EPHA7: variants seen among roughly 807,000 people sequenced by gnomAD.
EPHA7 encodes the protein ephrin type-A receptor 7.
EPHA7 carries 25 observed loss-of-function variants against 112.6 expected under a neutral mutation model. The observed-to-expected ratio is 0.22, with a 90% CI of 0.16 to 0.31. EPHA7 has a LOEUF of 0.31. EPHA7 is among the 10% of genes least tolerant of loss of function. EPHA7 has a pLI of 1.00. For missense variants in EPHA7, 962 were observed against 1,212.6 expected (o/e 0.79, Z 3.07); for synonymous variants, 437 against 406.5 (o/e 1.07, Z -0.90).
At chr6:93,280,177 T>C (rs1409182134) in intron 5 of EPHA7, among the ~76,000 whole-genome samples, 4 of 152,094 alleles carry the variant, frequency 2.6e-5, no homozygotes, top group African/African-American at 4.8e-5. Flanking sequence ...TATCCTAACA[T>C]AGATGAAATA....
At chr6:93,372,971 G>A (rs1776875114) in intron 3 of EPHA7, among the ~76,000 whole-genome samples, 1 of 152,008 alleles carries the variant, frequency 6.6e-6, no homozygotes, top group Non-Finnish European at 1.5e-5. Context: ...TTCTGAAAAT[G>A]TAGTACTTCC....
rs1778195430 is a variant in EPHA7, at chr6:93,396,803, T to C, written c.832+13698A>G. Among the ~76,000 whole-genome samples the C allele has an allele frequency of 2.0e-5, 3 of 151,716 alleles. No homozygotes were observed. In the South Asian group the frequency reaches 6.2e-4, roughly 31 times the overall value. On this transcript the variant is annotated intron_variant, in intron 3 of 16. Coordinates refer to ENST00000369303, the MANE Select transcript of EPHA7 (RefSeq NM_004440.4). Reference sequence around the variant, plus strand: ...AGCCAATAAATGTATGCAACATAAATATAAATATGACAATCCCCAGTACAA... The same window carrying C: ...AGCCAATAAATGTATGCAACATAAACATAAATATGACAATCCCCAGTACAA...
chr6:93,365,578 A>T (rs1254354136), intron 3 of EPHA7, among the ~76,000 whole-genome samples: 1 of 152,160 alleles, frequency 6.6e-6, no homozygotes, highest in Non-Finnish European at 1.5e-5. Context: ...CCTCAGTGGG[A>T]ATAATTACAA....
At chr6:93,329,214 C>T (rs1774466780) in intron 5 of EPHA7, among the ~76,000 whole-genome samples, 2 of 151,152 alleles carry the variant, frequency 1.3e-5, no homozygotes, top group Admixed American at 6.6e-5. Flanking sequence ...ATAAGTAATA[C>T]ACACCAAAGA....
chr6:93,412,178 A>T (rs116766600), intron 2 of EPHA7, among the ~76,000 whole-genome samples: 2,213 of 152,180 alleles, frequency 0.015, 57 homozygotes, highest in African/African-American at 0.05. Context: ...TGATGTCTTA[A>T]TAATGAAATT....
At chr6:93,326,035 T>C (rs1477333132) in intron 5 of EPHA7, among the ~76,000 whole-genome samples, 1 of 151,482 alleles carries the variant, frequency 6.6e-6, no homozygotes, top group Admixed American at 6.6e-5. Flanking sequence ...TCTAGATTTA[T>C]AAACTGCCTG....
intron 5 of EPHA7, among the ~76,000 whole-genome samples, chr6:93,355,555 C>T (rs1775903583): frequency 6.6e-6 from 1 of 152,116 alleles, no homozygotes; most frequent in Non-Finnish European, 1.5e-5. Flanking sequence ...AGTAAAGGCC[C>T]GATTTTAATA....
chr6:93,287,700 C>T (rs1030451595), intron 5 of EPHA7, among the ~76,000 whole-genome samples: 2 of 151,842 alleles, frequency 1.3e-5, no homozygotes, highest in South Asian at 2.1e-4. Context: ...CTCCAACCTC[C>T]AAAATGCCCC....
At chr6:93,374,959 C>T (rs1032300878) in intron 3 of EPHA7, among the ~76,000 whole-genome samples, 1 of 152,016 alleles carries the variant, frequency 6.6e-6, no homozygotes, top group Non-Finnish European at 1.5e-5. Context: ...CCATAACATA[C>T]AAAAATTTCT....
intron 3 of EPHA7, among the ~76,000 whole-genome samples, chr6:93,403,006 AAC>A (rs1230691386): frequency 6.6e-6 from 1 of 152,064 alleles, no homozygotes; most frequent in African/African-American, 2.4e-5. Flanking sequence ...GACAATAGAT[AAC>A]AGTTATATTA....
chr6:93,370,912 G>A (rs969450738), intron 3 of EPHA7, among the ~76,000 whole-genome samples: 6 of 151,466 alleles, frequency 4.0e-5, no homozygotes, highest in African/African-American at 1.5e-4. Flanking sequence ...TTGGGAAGCC[G>A]AGGCAGGTGG....
At chr6:93,263,392 T>C (rs1244786068) in intron 9 of EPHA7, among the ~76,000 whole-genome samples, 1 of 151,442 alleles carries the variant, frequency 6.6e-6, no homozygotes, top group Non-Finnish European at 1.5e-5. Flanking sequence ...ATACTATTTA[T>C]GTCCTATGAA....
At chr6:93,336,698 G>A (rs1161925402) in intron 5 of EPHA7, among the ~76,000 whole-genome samples, 1 of 152,014 alleles carries the variant, frequency 6.6e-6, no homozygotes, top group East Asian at 1.9e-4. Flanking sequence ...ACCCTGCCCA[G>A]CTCCTTTTAC....
intron 3 of EPHA7, among the ~76,000 whole-genome samples, chr6:93,405,813 G>GTGTATATA (rs1357089640): frequency 2.2e-4 from 16 of 73,978 alleles, no homozygotes; most frequent in East Asian, 1.8e-3. Context: ...GTGTGTGTGT[G>GTGTATATA]TATATATATA....
chr6:93,294,902 A>G (rs528444561), intron 5 of EPHA7, among the ~76,000 whole-genome samples: 36 of 152,180 alleles, frequency 2.4e-4, no homozygotes, highest in African/African-American at 8.7e-4. Flanking sequence ...TTATATTAAA[A>G]CCAGATTGGC....
At chr6:93,373,927 T>A (rs1265605231) in intron 3 of EPHA7, among the ~76,000 whole-genome samples, 2 of 152,072 alleles carry the variant, frequency 1.3e-5, no homozygotes, top group Admixed American at 1.3e-4. Context: ...ATATACCTCA[T>A]GTTTCATAAA....
At chr6:93,266,190 T>C (rs1770926836) in intron 7 of EPHA7, among the ~76,000 whole-genome samples, 1 of 151,762 alleles carries the variant, frequency 6.6e-6, no homozygotes, top group Non-Finnish European at 1.5e-5. Flanking sequence ...AATTTGCTTA[T>C]TTTTTGTTTT....
intron 5 of EPHA7, among the ~76,000 whole-genome samples, chr6:93,321,829 C>T (rs1774089396): frequency 6.6e-6 from 1 of 151,828 alleles, no homozygotes; most frequent in Non-Finnish European, 1.5e-5. Flanking sequence ...CAAACTATCT[C>T]TTTTTGAGAT....
In EPHA7 at chr6:93,410,434, A is replaced by T; in HGVS notation, c.832+67T>A. 1 of 1,400,190 alleles carries T rather than the reference A, an allele frequency of 7.1e-7. No individual in the cohort carries two copies. Among genetic ancestry groups the T allele is most frequent in the Non-Finnish European group, 9.8e-7 (1 of 1,019,896 alleles). The allele number at this position is 1,400,190 out of a possible 1,614,324, so 86.7% of individuals were successfully genotyped here. ...ATTCACGTATTCAAATAACTATTAA[A>T]GTTTAAAATGTCTGATACTGAAATT... is the stretch of plus-strand genomic sequence containing the variant. On this transcript the variant is annotated intron_variant, in intron 3 of 16. Transcript: ENST00000369303. This position sits in a 1 kb window ranked among gnomAD's most constrained non-coding sequence, Gnocchi z 4.0.
Sources: gnomAD v4.1 joint callset for allele counts (sites outside exome capture counted in the v4.1 genomes callset) on GRCh38, gnomAD v4.1.1 for gene constraint, Gnocchi (gnomAD v3.1) non-coding constraint, MANE v1.5 for transcripts, NCBI Gene and HGNC (gene_info 2026-07-23, HGNC 2026-07-21) for gene names.